SLC16A3: variants seen among roughly 807,000 people sequenced by gnomAD.
The protein encoded by SLC16A3 is monocarboxylate transporter 4.
In SLC16A3, 22 loss-of-function variants were observed where a neutral mutation model predicts 25.0. The observed-to-expected ratio is 0.88, with a 90% CI of 0.63 to 1.26. SLC16A3 has a LOEUF of 1.26. SLC16A3 is among the 50% of genes most tolerant of loss of function. The pLI is 0.00. For synonymous variants in SLC16A3, 390 were observed against 309.2 expected (o/e 1.26, Z -2.74); for missense variants, 731 against 666.6 (o/e 1.10, Z -1.06).
At chr17:82,221,287 C>T (rs564312109) in intron 1 of SLC16A3, among the ~76,000 whole-genome samples, 113 of 152,240 alleles carry the variant, frequency 7.4e-4, no homozygotes, top group African/African-American at 2.5e-3. Context: ...GGGCCGGGCA[C>T]GGCAGCTCAC....
At chr17:82,218,294 C>T (rs548525808) in intron 1 of SLC16A3, among the ~76,000 whole-genome samples, 8 of 100,490 alleles carry the variant, frequency 8.0e-5, no homozygotes. Context: ...AGCCCAGCCT[C>T]GGTCACTGCG....
At chr17:82,220,810 TAA>T (rs1434513691) in intron 1 of SLC16A3, among the ~76,000 whole-genome samples, 7 of 152,000 alleles carry the variant, frequency 4.6e-5, no homozygotes, top group East Asian at 1.9e-4. Flanking sequence ...CATAATTAAT[TAA>T]TTAATTTAAT....
In SLC16A3 at chr17:82,239,564, C is replaced by T. The variant is rs1007422888; in HGVS notation, c.*588C>T. 5.3e-5 allele frequency: 10 copies of T among 190,350 alleles called. No individual in the cohort carries two copies. Among genetic ancestry groups the T allele is most frequent in the South Asian group, 1.9e-4 (1 of 5,214 alleles). The allele number at this position is 190,350 out of a possible 1,614,324, so 11.8% of individuals were successfully genotyped here. On this transcript the variant is annotated 3_prime_UTR_variant, in exon 5 of 5. Transcript: ENST00000582743. The stretch of plus-strand genomic sequence containing the variant: ...CTGCTGATGGCCTGGCTGTTCCTAC[C>T]GTGGCTCTGTCCTCGCCAGCTTTCC...
intron 1 of SLC16A3, chr17:82,229,482 T>G (rs1343750463): frequency 6.6e-6 from 1 of 152,250 alleles, no homozygotes; most frequent in Non-Finnish European, 1.5e-5. Context: ...GCGGGCTATA[T>G]TTGGTGGGGC....
chr17:82,220,125 C>T (rs866119777), intron 1 of SLC16A3, among the ~76,000 whole-genome samples: 41 of 152,220 alleles, frequency 2.7e-4, no homozygotes, highest in Non-Finnish European at 4.9e-4. Context: ...CCTGCCACCC[C>T]GATCCTGGGA....
rs375731251 is a variant in SLC16A3 at position 82,236,755 on chromosome 17, C to T, written c.250C>T (p.Arg84Cys). ...TCCGCTCTGCAGTGTGTGCGTGAAC[C>T]GCTTTGGCTGCCGGCCCGTCATGCT... is the stretch of plus-strand genomic sequence containing the variant. ...TGPLCSVCVN[R>C]FGCRPVMLVG... Residue 84 changes from arginine (R) to cysteine (C), a missense_variant, in exon 3 of 5, where the codon CGC becomes TGC. By Grantham distance (180) the Arg-to-Cys change is radical (BLOSUM62 -3). Transcript: ENST00000582743. 1.4e-4 allele frequency: 220 copies of T among 1,608,078 alleles called. No individual in the cohort carries two copies. Among genetic ancestry groups the T allele is most frequent in the Middle Eastern group, 1.0e-3 (6 of 5,994 alleles).
At chr17:82,228,229 T>C (rs1245469594), upstream of SLC16A3, among the ~76,000 whole-genome samples, 1 of 152,144 alleles carries the variant, frequency 6.6e-6, no homozygotes, top group Non-Finnish European at 1.5e-5. Context: ...ATGTTGCAAA[T>C]GAGAGAAAAC....
Position 82,236,733 on chromosome 17 carries a change from G to C in SLC16A3, c.228G>C (p.Pro76=), listed in dbSNP as rs777014873. 2 of 1,606,136 alleles carry C rather than the reference G, an allele frequency of 1.2e-6. No individual in the cohort carries two copies. Among genetic ancestry groups the C allele is most frequent in the Non-Finnish European group, 1.7e-6 (2 of 1,179,734 alleles). ...ILLAMLYGTG[P]LCSVCVNRFG... Reference sequence around the variant, plus strand: ...CTCAGCTGCTGCCCTCTCCAGGTCCGCTCTGCAGTGTGTGCGTGAACCGCT... The same window carrying C: ...CTCAGCTGCTGCCCTCTCCAGGTCCCCTCTGCAGTGTGTGCGTGAACCGCT... Residue 76 remains proline (P), a synonymous_variant, in exon 3 of 5, where the codon CCG becomes CCC. Coordinates refer to ENST00000582743, the MANE Select transcript of SLC16A3 (RefSeq NM_004207.4).
chr17:82,236,549 C>G, intron 2 of SLC16A3, 180 bp from the exon 3 acceptor site: 1 of 816,092 alleles, frequency 1.2e-6, no homozygotes, highest in Non-Finnish European at 1.9e-6. Context: ...GCCCAGCAGG[C>G]GGCGCTCACG....
At chr17:82,218,058 T>G (rs1239300410) in exon 1 of SLC16A3, among the ~76,000 whole-genome samples, 1 of 152,100 alleles carries the variant, frequency 6.6e-6, no homozygotes, top group Non-Finnish European at 1.5e-5. Context: ...ATGTGCCAGG[T>G]TGGGGCTGGG....
At position 82,237,514 on chromosome 17, in the gene SLC16A3, C is replaced by T. The variant is rs61742925; in HGVS notation, c.744C>T (p.Phe248=). The T allele has an allele frequency of 8.7e-4, 1,406 of 1,611,654 alleles. 14 individuals carry two copies. In the African/African-American group the frequency reaches 0.017, roughly 19 times the overall value. Residue 248 remains phenylalanine (F), a synonymous_variant, in exon 4 of 5, where the codon TTC becomes TTT. Coordinates refer to ENST00000582743, the MANE Select transcript of SLC16A3 (RefSeq NM_004207.4). ...MVLGLFVPPV[F]VVSYAKDLGV... The stretch of plus-strand genomic sequence containing the variant: ...TGGGGCTCTTCGTCCCGCCCGTGTT[C>T]GTGGTGAGCTACGCCAAGGACCTGG...
chr17:82,230,635 T>A (rs1204691360), intron 1 of SLC16A3: 1 of 152,368 alleles, frequency 6.6e-6, no homozygotes, highest in Non-Finnish European at 1.5e-5. Context: ...TGGGGTGACC[T>A]GGCCACGTGG....
At chr17:82,238,577 C>T in intron 4 of SLC16A3, 125 bp from the exon 5 acceptor site, 1 of 987,740 alleles carries the variant, frequency 1.0e-6, no homozygotes, top group Non-Finnish European at 1.4e-6. Flanking sequence ...CTCCCAGCCC[C>T]ACAAGCTCAG....
At chr17:82,236,977 G>A (rs1599559657) in intron 3 of SLC16A3, 105 bp downstream of exon 3, 41 of 1,503,166 alleles carry the variant, frequency 2.7e-5, no homozygotes, top group East Asian at 2.3e-4. Context: ...GGGTGGCTGC[G>A]GGGTGTCCCG....
rs114195476 is a variant in SLC16A3, at chr17:82,237,441, G to A, written c.671G>A (p.Arg224Gln). 5.1e-4 allele frequency: 820 copies of A among 1,593,530 alleles called. 2 individuals carry two copies. In the African/African-American group the frequency reaches 9.8e-3, roughly 19 times the overall value. Reference sequence around the variant, plus strand: ...CGCCTGCTAGACCTGAGCGTCTTCCGGGACCGCGGCTTTGTGCTTTACGCC... The same window carrying A: ...CGCCTGCTAGACCTGAGCGTCTTCCAGGACCGCGGCTTTGTGCTTTACGCC... The part of the protein sequence containing the change: ...SRRLLDLSVF[R>Q]DRGFVLYAVA... Residue 224 changes from arginine to glutamine, a missense_variant, in exon 4 of 5, where the codon CGG (arginine) becomes CAG (glutamine). By Grantham distance (43) the Arg-to-Gln change is conservative. Coordinates refer to ENST00000582743, the MANE Select transcript of SLC16A3 (RefSeq NM_004207.4).
intron 1 of SLC16A3, among the ~76,000 whole-genome samples, chr17:82,218,756 C>T (rs536559538): frequency 4.6e-5 from 7 of 152,272 alleles, no homozygotes; most frequent in African/African-American, 1.4e-4. Flanking sequence ...TCCGGCTGTG[C>T]GTGGAGAACG....
Position 82,239,472 on chromosome 17 carries a change from T to G in SLC16A3, c.*496T>G. On this transcript the variant is annotated 3_prime_UTR_variant, in exon 5 of 5. Transcript: ENST00000582743. ...GAAATAAACCTGCGTGTGGGTGGAG[T>G]GTTAGGACCAACGGTTTCCTAGGAG... The G allele has an allele frequency of 6.0e-6, 1 of 167,676 alleles. No homozygotes were observed. The highest frequency in any genetic ancestry group is 1.3e-5 in the Non-Finnish European group (1 of 78,922). 10.4% of individuals were successfully genotyped at this position (167,676 alleles called of 1,614,324 possible). A position where few individuals can be genotyped will look rare whatever the true frequency, so the allele number is the denominator to read the frequency against.
At chr17:82,238,294 C>T (rs896857315) in intron 4 of SLC16A3, among the ~76,000 whole-genome samples, 40 of 152,296 alleles carry the variant, frequency 2.6e-4, no homozygotes, top group Middle Eastern at 3.4e-3. Context: ...GCCCAGGCTC[C>T]GCCTGCCTGG....
chr17:82,230,922 C>T (rs1048157033), intron 1 of SLC16A3: 20 of 152,252 alleles, frequency 1.3e-4, no homozygotes, highest in African/African-American at 4.8e-4. Flanking sequence ...CGAGTCGACG[C>T]CCCCGAGTCC....
Sources: gnomAD v4.1 joint callset for allele counts (sites outside exome capture counted in the v4.1 genomes callset) on GRCh38, gnomAD v4.1.1 for gene constraint, MANE v1.5 for transcripts, NCBI Gene and HGNC (gene_info 2026-07-23, HGNC 2026-07-21) for gene names.